Variants in MYO1B observed in about 807,000 individuals in gnomAD.
The protein encoded by MYO1B is unconventional myosin-Ib.
Under a neutral mutation model 159.7 loss-of-function variants are expected in MYO1B, and 72 were observed. That is an observed-to-expected ratio of 0.45 (90% CI 0.37 to 0.55). The LOEUF is 0.55. Ranked by LOEUF, MYO1B falls within the 20% of genes least tolerant of loss-of-function variation. The pLI, the probability that MYO1B is intolerant of heterozygous loss-of-function variation, is 0.00. For synonymous variants in MYO1B, 468 were observed against 473.8 expected (o/e 0.99, Z 0.16); for missense variants, 1,062 against 1,364.8 (o/e 0.78, Z 3.50).
intron 3 of MYO1B, among the ~76,000 whole-genome samples, chr2:191,309,549 C>T (rs1441796672): frequency 6.6e-6 from 1 of 152,172 alleles, no homozygotes. Context: ...GCAGCAACTC[C>T]CTTGTGGCCT....
intron 29 of MYO1B, among the ~76,000 whole-genome samples, chr2:191,414,873 T>C (rs138724756): frequency 2.0e-5 from 3 of 152,366 alleles, no homozygotes; most frequent in African/African-American, 7.2e-5. Flanking sequence ...TTACTTTACT[T>C]TTTGAGACTA....
chr2:191,408,580 C>T (rs987310825), intron 25 of MYO1B, among the ~76,000 whole-genome samples: 2 of 152,156 alleles, frequency 1.3e-5, no homozygotes, highest in Non-Finnish European at 2.9e-5. Context: ...CAGCTCCACC[C>T]ACATGGACTC....
At position 191,360,682 on chromosome 2, in the gene MYO1B, T is replaced by A. The variant is rs1693604499; in HGVS notation, c.614T>A (p.Phe205Tyr). ...VVKQPRGERNFHVFYQLLSGA... is the reference protein window; with the variant it reads ...VVKQPRGERNYHVFYQLLSGA... ...AAACAGCCAAGAGGTGAAAGAAACT[T>A]CCATGTGTTCTATCAGCTGCTCTCT... Residue 205 changes from phenylalanine (F) to tyrosine (Y), a missense_variant, in exon 8 of 31, where the codon TTC becomes TAC. Phe to Tyr is a conservative substitution (Grantham distance 22). Coordinates refer to ENST00000392318, the MANE Select transcript of MYO1B (RefSeq NM_001130158.3). 1 of 1,613,640 alleles carries A rather than the reference T, an allele frequency of 6.2e-7. No individual in the cohort carries two copies. Among genetic ancestry groups the A allele is most frequent in the Non-Finnish European group, 8.5e-7 (1 of 1,179,796 alleles).
In MYO1B at chr2:191,292,619, C is replaced by T. The variant is rs1475710772; in HGVS notation, c.136-3492C>T. ...TTCTTATCAGACTTAAGGTCTGAGT[C>T]GATGTTAATGCTGGAGAGGTATAAT... On this transcript the variant is annotated intron_variant, in intron 2 of 30. Transcript: ENST00000392318. Among the ~76,000 whole-genome samples the T allele has an allele frequency of 5.3e-5, 8 of 151,220 alleles. 1 individual carries two copies. Among genetic ancestry groups the T allele is most frequent in the African/African-American group, 1.5e-4 (6 of 40,576 alleles).
At chr2:191,246,428 A>G (rs1685798714) in intron 1 of MYO1B, 2 of 152,198 alleles carry the variant, frequency 1.3e-5, no homozygotes, top group South Asian at 4.1e-4. Flanking sequence ...GCTTATTTGT[A>G]GTGCTTTGTT....
chr2:191,261,488 T>C (rs1686808248), intron 1 of MYO1B, among the ~76,000 whole-genome samples: 1 of 152,220 alleles, frequency 6.6e-6, no homozygotes, highest in Non-Finnish European at 1.5e-5. Context: ...CAGTAACCCA[T>C]GTTCACACTG....
chr2:191,377,116 GATT>G (rs1007103680), intron 13 of MYO1B, among the ~76,000 whole-genome samples: 3 of 152,074 alleles, frequency 2.0e-5, no homozygotes, highest in African/African-American at 4.8e-5. Context: ...TTTAAAATTT[GATT>G]ATATTATATA....
intron 20 of MYO1B, among the ~76,000 whole-genome samples, chr2:191,393,867 A>G (rs539198920): frequency 6.6e-6 from 1 of 151,794 alleles, no homozygotes; most frequent in South Asian, 2.1e-4. Context: ...CACAGGTATG[A>G]GAGAAGCCTG....
At chr2:191,268,233 A>G (rs987367395) in intron 1 of MYO1B, among the ~76,000 whole-genome samples, 9 of 152,236 alleles carry the variant, frequency 5.9e-5, no homozygotes, top group African/African-American at 2.2e-4. Flanking sequence ...AGTTGTTGGT[A>G]GATTCAGTTT....
At chr2:191,342,972 AGTAAG>A (rs1027881222) in intron 5 of MYO1B, among the ~76,000 whole-genome samples, 7 of 151,774 alleles carry the variant, frequency 4.6e-5, no homozygotes, top group African/African-American at 1.7e-4. Flanking sequence ...GTTATGGTGG[AGTAAG>A]GTTTCTCAGC....
intron 11 of MYO1B, among the ~76,000 whole-genome samples, chr2:191,364,925 T>C (rs1693910773): frequency 2.0e-5 from 3 of 150,482 alleles, no homozygotes; most frequent in Admixed American, 6.6e-5. Flanking sequence ...AACATGGAGT[T>C]GTCATTTACT....
chr2:191,251,332 T>G (rs1686100898), intron 1 of MYO1B, among the ~76,000 whole-genome samples: 1 of 152,258 alleles, frequency 6.6e-6, no homozygotes, highest in Admixed American at 6.5e-5. Context: ...ATAAGCGGTG[T>G]GGATGCCATT....
chr2:191,331,348 T>A (rs1691462216), intron 4 of MYO1B, among the ~76,000 whole-genome samples: 1 of 152,172 alleles, frequency 6.6e-6, no homozygotes, highest in African/African-American at 2.4e-5. Flanking sequence ...AAACTCCTTT[T>A]GAAGTGATGA....
intron 4 of MYO1B, among the ~76,000 whole-genome samples, chr2:191,334,498 T>C (rs1691699203): frequency 6.6e-6 from 1 of 152,228 alleles, no homozygotes; most frequent in Non-Finnish European, 1.5e-5. Flanking sequence ...TTCATTCTTC[T>C]TTTTTATAGT....
intron 29 of MYO1B, among the ~76,000 whole-genome samples, chr2:191,415,876 G>A (rs1559249937): frequency 6.6e-6 from 1 of 152,160 alleles, no homozygotes; most frequent in Non-Finnish European, 1.5e-5. Context: ...TCCAAGTGAT[G>A]CACATGGTGC....
Position 191,296,124 on chromosome 2 carries a change from G to A in MYO1B, c.149G>A (p.Ser50Asn). 1.3e-6 allele frequency: 2 copies of A among 1,586,310 alleles called. No homozygotes were observed. The highest frequency in any genetic ancestry group is 1.7e-6 in the Non-Finnish European group (2 of 1,161,750). The part of the protein sequence containing the change: ...DHSEIYTYIG[S>N]VVISVNPYRS... ...TTTCTTTTGCAGACATACATTGGAA[G>A]TGTGGTTATATCTGTTAACCCATAC... The change falls in exon 3 of 31, where the codon AGT (serine) becomes AAT (asparagine). Residue 50 changes from serine to asparagine, a missense_variant. This residue lies in a region of MYO1B where 415 missense variants were observed against 544.0 expected (regional missense o/e 0.76). Transcript: ENST00000392318.
chr2:191,259,565 T>C (rs1012947980), intron 1 of MYO1B, among the ~76,000 whole-genome samples: 5 of 152,260 alleles, frequency 3.3e-5, no homozygotes, highest in African/African-American at 9.6e-5. Context: ...CCCTTTATTT[T>C]TGGGCATTTG....
chr2:191,351,153 G>A (rs1399519075), intron 7 of MYO1B, among the ~76,000 whole-genome samples: 1 of 150,334 alleles, frequency 6.7e-6, no homozygotes, highest in Non-Finnish European at 1.5e-5. Context: ...TGGTGCTATT[G>A]GGATTGTTAG....
At chr2:191,340,646 T>G (rs1692158143) in intron 4 of MYO1B, among the ~76,000 whole-genome samples, 1 of 152,218 alleles carries the variant, frequency 6.6e-6, no homozygotes, top group Admixed American at 6.5e-5. Context: ...TATTAAATCC[T>G]TACATTGGCT....
Sources: gnomAD v4.1 joint callset for allele counts (sites outside exome capture counted in the v4.1 genomes callset) on GRCh38, gnomAD v4.1.1 for gene constraint, gnomAD v4.1.1 regional missense constraint, MANE v1.5 for transcripts, NCBI Gene and HGNC (gene_info 2026-07-23, HGNC 2026-07-21) for gene names.